The following CSNK1G1 variants were observed in gnomAD, a reference collection of about 807,000 sequenced individuals.
CSNK1G1 encodes the protein casein kinase 1 gamma 1.
Under a neutral mutation model 59.6 loss-of-function variants are expected in CSNK1G1, and 22 were observed. The observed-to-expected ratio is 0.37, with a 90% CI of 0.26 to 0.53. CSNK1G1 has a LOEUF of 0.53. CSNK1G1 is among the 20% of genes least tolerant of loss of function. The probability of loss-of-function intolerance (pLI) is 0.89; values close to 1 mark genes in which losing one functional copy is unlikely to be tolerated. For missense variants in CSNK1G1, 384 were observed against 519.5 expected, an observed-to-expected ratio of 0.74 and a Z score of 2.54; for synonymous variants, 179 against 177.1, an observed-to-expected ratio of 1.01 and a Z score of -0.08.
At chr15:64,185,670 C>A (rs1335987754) in intron 10 of CSNK1G1, among the ~76,000 whole-genome samples, 1 of 151,978 alleles carries the variant, frequency 6.6e-6, no homozygotes, top group Non-Finnish European at 1.5e-5. Flanking sequence ...TTGAGACCAG[C>A]CTGGATGACA....
chr15:64,295,856 T>C (rs1218221569), intron 2 of CSNK1G1, among the ~76,000 whole-genome samples: 1 of 152,218 alleles, frequency 6.6e-6, no homozygotes, highest in East Asian at 1.9e-4. Context: ...TGCTTTAATA[T>C]ATGCAAACAC....
intron 4 of CSNK1G1, among the ~76,000 whole-genome samples, chr15:64,225,595 G>C (rs1425416014): frequency 6.6e-6 from 1 of 152,142 alleles, no homozygotes; most frequent in Non-Finnish European, 1.5e-5. Context: ...CCTATCAGAA[G>C]CCCCTAAAGG....
At chr15:64,231,355 T>A (rs1163764283) in intron 4 of CSNK1G1, among the ~76,000 whole-genome samples, 1 of 147,472 alleles carries the variant, frequency 6.8e-6, no homozygotes, top group Non-Finnish European at 1.5e-5. Flanking sequence ...TATATATTTA[T>A]ATTTTATATT....
chr15:64,227,914 A>C (rs2082483927), intron 4 of CSNK1G1, among the ~76,000 whole-genome samples: 1 of 152,118 alleles, frequency 6.6e-6, no homozygotes, highest in Non-Finnish European at 1.5e-5. Context: ...TTGTTGCCAA[A>C]ATTATTCTCC....
At chr15:64,194,905 C>T (rs567126650) in intron 10 of CSNK1G1, 1 of 152,292 alleles carries the variant, frequency 6.6e-6, no homozygotes, top group Admixed American at 6.5e-5. Flanking sequence ...GGAGGCATAT[C>T]TTCTTCAGAC....
At position 64,289,234 on chromosome 15, in the gene CSNK1G1, T is replaced by C. The variant is rs7172109; in HGVS notation, c.181+11085A>G. Among the ~76,000 whole-genome samples the C allele has an allele frequency of 8.4e-3, 1,273 of 152,126 alleles. 19 individuals are homozygous for C. Among genetic ancestry groups the C allele is most frequent in the African/African-American group, 0.029 (1,196 of 41,478 alleles). On this transcript the variant is annotated intron_variant, in intron 2 of 11. Transcript: ENST00000303052. The stretch of plus-strand genomic sequence containing the variant: ...TTTGGCAAGCCTGGAAATTTTACCA[T>C]TACATTCTTCTGGTTAACCATTCAA...
At chr15:64,326,123 T>C (rs891005516) in intron 1 of CSNK1G1, among the ~76,000 whole-genome samples, 11 of 152,192 alleles carry the variant, frequency 7.2e-5, no homozygotes, top group African/African-American at 2.7e-4. Flanking sequence ...TTCCCAGGTT[T>C]CAAGTGATTC....
intron 2 of CSNK1G1, among the ~76,000 whole-genome samples, chr15:64,294,180 C>A (rs971655876): frequency 6.6e-6 from 1 of 152,178 alleles, no homozygotes; most frequent in East Asian, 1.9e-4. Flanking sequence ...TCAACTGGTT[C>A]TCCTGTCTCA....
At chr15:64,257,984 T>C (rs1169961038) in intron 3 of CSNK1G1, among the ~76,000 whole-genome samples, 2 of 152,278 alleles carry the variant, frequency 1.3e-5, no homozygotes, top group East Asian at 1.9e-4. Context: ...CTGCTCCCTG[T>C]CCACCCACCC....
At chr15:64,284,857 A>G (rs1396251917) in intron 2 of CSNK1G1, among the ~76,000 whole-genome samples, 2 of 152,112 alleles carry the variant, frequency 1.3e-5, no homozygotes, top group African/African-American at 4.8e-5. Flanking sequence ...ACTAAGACAC[A>G]GCTAAAAATT....
At chr15:64,189,303 G>A in intron 10 of CSNK1G1, 1 of 1,038,706 alleles carries the variant, frequency 9.6e-7, no homozygotes, top group Non-Finnish European at 1.2e-6. Flanking sequence ...TTTGGATTCT[G>A]CTTTCACCTT....
chr15:64,312,810 G>A (rs1566943699), intron 1 of CSNK1G1, among the ~76,000 whole-genome samples: 1 of 152,160 alleles, frequency 6.6e-6, no homozygotes, highest in Non-Finnish European at 1.5e-5. Flanking sequence ...TCATCAGAGT[G>A]AACAGGCAAC....
chr15:64,303,916 CAAAAA>C (rs66651513), intron 1 of CSNK1G1, among the ~76,000 whole-genome samples: 2 of 95,198 alleles, frequency 2.1e-5, no homozygotes, highest in Admixed American at 1.2e-4. Context: ...AGGCCCTGTC[CAAAAA>C]AAAAAAAAAA....
chr15:64,320,907 G>A (rs533983853), intron 1 of CSNK1G1, among the ~76,000 whole-genome samples: 1 of 151,888 alleles, frequency 6.6e-6, no homozygotes, highest in South Asian at 2.1e-4. Flanking sequence ...AATCTTTAGC[G>A]TAAGTGATCT....
At chr15:64,218,741 T>G (rs1219463862) in intron 4 of CSNK1G1, among the ~76,000 whole-genome samples, 2 of 152,104 alleles carry the variant, frequency 1.3e-5, no homozygotes, top group East Asian at 3.8e-4. Flanking sequence ...TCCTAGCTTG[T>G]ATCCTCTAAC....
At chr15:64,224,549 T>A (rs1596119910) in intron 4 of CSNK1G1, among the ~76,000 whole-genome samples, 1 of 152,212 alleles carries the variant, frequency 6.6e-6, no homozygotes, top group African/African-American at 2.4e-5. Context: ...CCCTCTCATG[T>A]CTCTGACTCT....
At chr15:64,346,788 G>A (rs528289375) in intron 1 of CSNK1G1, among the ~76,000 whole-genome samples, 1 of 151,990 alleles carries the variant, frequency 6.6e-6, no homozygotes, top group Non-Finnish European at 1.5e-5. Context: ...AACACTAAAA[G>A]CATTATCAAT....
intron 2 of CSNK1G1, among the ~76,000 whole-genome samples, chr15:64,269,757 G>T (rs1893181933): frequency 6.6e-6 from 1 of 150,722 alleles, no homozygotes; most frequent in African/African-American, 2.4e-5. Context: ...GCCTCCCAAA[G>T]TGCTGGGATT....
intron 2 of CSNK1G1, among the ~76,000 whole-genome samples, chr15:64,278,794 T>C (rs1222564935): frequency 6.6e-6 from 1 of 152,200 alleles, no homozygotes; most frequent in Non-Finnish European, 1.5e-5. Flanking sequence ...CAGAGTATAA[T>C]GAGAACTTCA....
Sources: allele counts gnomAD v4.1 joint callset (sites outside exome capture counted in the v4.1 genomes callset), GRCh38; gene constraint gnomAD v4.1.1; transcripts MANE v1.5; gene names NCBI Gene and HGNC (gene_info 2026-07-23, HGNC 2026-07-21).